DNAJC15: variants seen among roughly 807,000 people sequenced by gnomAD.
DNAJC15 encodes the protein DnaJ heat shock protein family (Hsp40) member C15, also known as dnaJ homolog subfamily C member 15.
A neutral mutation model predicts 22.4 loss-of-function variants in DNAJC15; 27 were observed. The observed-to-expected ratio is 1.20, with a 90% CI of 0.89 to 1.66. The LOEUF (loss-of-function observed/expected upper bound fraction) is 1.66, where lower values mean the gene tolerates loss of function less well. DNAJC15 is among the 40% of genes most tolerant of loss of function. The pLI is 0.00. For synonymous variants in DNAJC15, 79 were observed against 63.2 expected, an observed-to-expected ratio of 1.25 and a Z score of -1.19; for missense variants, 208 against 187.1, an observed-to-expected ratio of 1.11 and a Z score of -0.65.
chr13:43,023,881 C>G lies in DNAJC15; in HGVS notation c.108+147C>G, dbSNP rs199884510. ...AGCGCTCACTTGTTCAGTGGAGAGA[C>G]CGCTTTGTGCTGGGCTTTGACGCCT... is the stretch of plus-strand genomic sequence containing the variant. On this transcript the variant is annotated intron_variant, in intron 1 of 5. Transcript: ENST00000379221. 21 of 754,924 alleles carry G rather than the reference C, an allele frequency of 2.8e-5. No individual in the cohort carries two copies. The East Asian group carries it at 5.8e-4, about 21-fold the overall frequency. The allele number at this position is 754,924 out of a possible 1,614,324, so 46.8% of individuals were successfully genotyped here.
intron 1 of DNAJC15, among the ~76,000 whole-genome samples, chr13:43,039,295 A>G (rs1315312540): frequency 6.6e-6 from 1 of 152,110 alleles, no homozygotes; most frequent in Non-Finnish European, 1.5e-5. Flanking sequence ...GACTTAATTT[A>G]TTATTACAGT....
intron 3 of DNAJC15, among the ~76,000 whole-genome samples, chr13:43,072,843 C>T (rs1413284207): frequency 2.0e-5 from 3 of 152,158 alleles, no homozygotes; most frequent in South Asian, 2.1e-4. Flanking sequence ...GGATTATAGG[C>T]GTGAGCCACT....
At chr13:43,105,271 G>T (rs2040790878) in intron 5 of DNAJC15, among the ~76,000 whole-genome samples, 1 of 152,082 alleles carries the variant, frequency 6.6e-6, no homozygotes, top group Admixed American at 6.6e-5. Context: ...TTGCTTACTA[G>T]TAGTAATAAT....
chr13:43,058,257 G>T (rs1420037706), intron 1 of DNAJC15, among the ~76,000 whole-genome samples: 3 of 152,242 alleles, frequency 2.0e-5, no homozygotes, highest in East Asian at 3.8e-4. Context: ...AGCTGCAGCA[G>T]TATGGGGGAT....
At chr13:43,099,556 C>T (rs1380397486) in intron 5 of DNAJC15, among the ~76,000 whole-genome samples, 2 of 152,278 alleles carry the variant, frequency 1.3e-5, no homozygotes, top group East Asian at 3.9e-4. Context: ...TAGAGAACGT[C>T]TGTCTATTCC....
At chr13:43,104,886 A>C (rs2040788801) in intron 5 of DNAJC15, among the ~76,000 whole-genome samples, 1 of 151,252 alleles carries the variant, frequency 6.6e-6, no homozygotes, top group South Asian at 2.1e-4. Context: ...ACAGAGTCTT[A>C]TTATGTTGCC....
At chr13:43,062,769 AG>A (rs1466214279) in intron 1 of DNAJC15, among the ~76,000 whole-genome samples, 2 of 151,728 alleles carry the variant, frequency 1.3e-5, no homozygotes, top group Non-Finnish European at 2.9e-5. Context: ...CCCAGGCTGG[AG>A]TGCAATGGTG....
intron 1 of DNAJC15, among the ~76,000 whole-genome samples, chr13:43,064,629 G>A (rs1236104870): frequency 6.6e-6 from 1 of 152,172 alleles, no homozygotes; most frequent in African/African-American, 2.4e-5. Flanking sequence ...AGTGGCTTAG[G>A]AAGATGGAAC....
chr13:43,074,291 A>G (rs546474693), intron 3 of DNAJC15, among the ~76,000 whole-genome samples: 15 of 152,336 alleles, frequency 9.8e-5, no homozygotes, highest in African/African-American at 3.6e-4. Flanking sequence ...AAATAATCTA[A>G]CATGGCACTA....
intron 1 of DNAJC15, among the ~76,000 whole-genome samples, chr13:43,065,347 CT>C (rs897397990): frequency 9.9e-5 from 15 of 152,150 alleles, no homozygotes; most frequent in African/African-American, 3.6e-4. Context: ...GAAATATGTG[CT>C]TTTTATCTTT....
chr13:43,081,226 C>T lies in DNAJC15; in HGVS notation c.311+2538C>T, dbSNP rs559453903. 1.8e-3 allele frequency among the ~76,000 whole-genome samples: 270 copies of T among 152,222 alleles called. 1 individual carries two copies. The highest frequency in any genetic ancestry group is 3.0e-3 in the Non-Finnish European group (207 of 68,010). On this transcript the variant is annotated intron_variant, in intron 4 of 5. Coordinates refer to ENST00000379221, the MANE Select transcript of DNAJC15 (RefSeq NM_013238.3). ...CTGCCCAGGAAAATTGTTTTTATAC[C>T]TGGTATAGTAAGTCCTCACTTAATA...
rs1415700672 is a variant in DNAJC15 at position 43,107,186 on chromosome 13, C to A, written c.391C>A (p.Pro131Thr). Residue 131 changes from proline (P) to threonine (T), a missense_variant, in exon 6 of 6, where the codon CCT becomes ACT. Physicochemically the swap from Pro to Thr is conservative, Grantham distance 38. Transcript: ENST00000379221. The part of the protein sequence containing the change: ...ILNHPDKGGS[P>T]YVAAKINEAK... The stretch of plus-strand genomic sequence containing the variant: ...TTTCTTTGTTCTCTCAGGTGGATCT[C>A]CTTACGTAGCAGCCAAAATAAATGA... 4 of 1,585,396 alleles carry A rather than the reference C, an allele frequency of 2.5e-6. No individual in the cohort carries two copies. The Admixed American group carries it at 7.2e-5, about 29-fold the overall frequency.
chr13:43,060,669 CTGTT>C (rs2040554614), intron 1 of DNAJC15, among the ~76,000 whole-genome samples: 2 of 152,302 alleles, frequency 1.3e-5, no homozygotes, highest in East Asian at 1.9e-4. Flanking sequence ...AAGCCAGCAA[CTGTT>C]TGTTGAAGAA....
chr13:43,047,196 T>C (rs2040481568), intron 1 of DNAJC15, among the ~76,000 whole-genome samples: 1 of 152,196 alleles, frequency 6.6e-6, no homozygotes, highest in African/African-American at 2.4e-5. Context: ...TACAAACTTT[T>C]AGAAAATGAC....
intron 3 of DNAJC15, among the ~76,000 whole-genome samples, chr13:43,077,197 C>A (rs941079110): frequency 6.6e-6 from 1 of 152,170 alleles, no homozygotes; most frequent in African/African-American, 2.4e-5. Flanking sequence ...GTCTGTTATT[C>A]ACAACAAATA....
At chr13:43,051,043 C>T (rs955329652) in intron 1 of DNAJC15, among the ~76,000 whole-genome samples, 1 of 152,156 alleles carries the variant, frequency 6.6e-6, no homozygotes, top group African/African-American at 2.4e-5. Flanking sequence ...GGCGCAATCT[C>T]AGCTCACTGC....
At chr13:43,040,187 T>A (rs2040446802) in intron 1 of DNAJC15, among the ~76,000 whole-genome samples, 1 of 152,182 alleles carries the variant, frequency 6.6e-6, no homozygotes, top group African/African-American at 2.4e-5. Flanking sequence ...AAAGAACAGT[T>A]CTCAGAAGTT....
intron 5 of DNAJC15, among the ~76,000 whole-genome samples, chr13:43,099,553 C>A (rs1436964177): frequency 6.6e-6 from 1 of 152,222 alleles, no homozygotes; most frequent in East Asian, 1.9e-4. Flanking sequence ...ACTTAGAGAA[C>A]GTCTGTCTAT....
intron 1 of DNAJC15, among the ~76,000 whole-genome samples, chr13:43,053,389 GT>G (rs891564602): frequency 6.6e-6 from 1 of 151,996 alleles, no homozygotes; most frequent in African/African-American, 2.4e-5. Context: ...TGCATGGGCT[GT>G]TTTTTTGGTG....
Sources: gnomAD v4.1 joint callset for allele counts (sites outside exome capture counted in the v4.1 genomes callset) on GRCh38, gnomAD v4.1.1 for gene constraint, MANE v1.5 for transcripts, NCBI Gene and HGNC (gene_info 2026-07-23, HGNC 2026-07-21) for gene names.